NIN: variants seen among roughly 807,000 people sequenced by gnomAD.
The protein encoded by NIN is ninein, also known as glycogen synthase kinase 3 beta-interacting protein.
NIN carries 137 observed loss-of-function variants against 257.6 expected under a neutral mutation model. The ratio of observed to expected loss-of-function variants is 0.53; its 90% CI spans 0.46 to 0.61. The LOEUF is 0.61. Among genes scored for constraint, NIN ranks in the 20% least tolerant of loss-of-function variants. The pLI, the probability that NIN is intolerant of heterozygous loss-of-function variation, is 0.00. For synonymous variants in NIN, 918 were observed against 919.8 expected (o/e 1.00, Z 0.04); for missense variants, 2,439 against 2,501.2 (o/e 0.98, Z 0.53).
rs560413498 is a variant in NIN at position 50,722,508 on chromosome 14, A to G, written c.*955T>C. ...GAGGTCACATGGTTTATACATTTCA[A>G]ATTCTTAGAGAGGCCCTACAGTAGT... On this transcript the variant is annotated 3_prime_UTR_variant, in exon 31 of 31. Coordinates refer to ENST00000530997, the MANE Select transcript of NIN (RefSeq NM_020921.4). The G allele has an allele frequency of 2.2e-4, 46 of 209,176 alleles. No individual in the cohort carries two copies. Among genetic ancestry groups the G allele is most frequent in the Non-Finnish European group, 4.0e-4 (41 of 102,526 alleles). The allele number at this position is 209,176 out of a possible 1,614,324, so 13.0% of individuals were successfully genotyped here.
At chr14:50,725,702 T>C (rs1273537870) in intron 30 of NIN, 3 of 586,458 alleles carry the variant, frequency 5.1e-6, no homozygotes, top group African/African-American at 3.7e-5. Context: ...ATGTAAATCA[T>C]GTTAGCAAAG....
In NIN at chr14:50,756,694, G is replaced by A; in HGVS notation, c.4336C>T (p.Gln1446Ter). Reference sequence around the variant, plus strand: ...AACTCTGCTATGGTGGCCTGATGCTGAAAATGTTTGTCTTGAAAGCCTAGG... The same window carrying A: ...AACTCTGCTATGGTGGCCTGATGCTAAAAATGTTTGTCTTGAAAGCCTAGG... ...TLLGFQDKHF[Q>*]HQATIAELEL... Residue 1446 changes from glutamine (Q) to a stop codon, truncating the protein, a stop_gained, in exon 18 of 31, where the codon CAG becomes TAG. Coordinates refer to ENST00000530997, the MANE Select transcript of NIN (RefSeq NM_020921.4). LOFTEE classifies it high-confidence loss of function. 1 of 1,551,718 alleles carries A rather than the reference G, an allele frequency of 6.4e-7. No individual in the cohort carries two copies. The highest frequency in any genetic ancestry group is 8.7e-7 in the Non-Finnish European group (1 of 1,147,008).
intron 16 of NIN, 81 bp from the exon 17 acceptor site, chr14:50,760,440 T>A: frequency 2.3e-6 from 1 of 428,024 alleles, no homozygotes; most frequent in Non-Finnish European, 3.1e-6. Flanking sequence ...GCAATTGCTT[T>A]TTTTTTTTTT....
chr14:50,748,175 A>G (rs1159971207), intron 21 of NIN, 70 bp from the exon 22 acceptor site: 5 of 945,026 alleles, frequency 5.3e-6, no homozygotes, highest in Non-Finnish European at 8.4e-6. Flanking sequence ...CCAGGTTCAT[A>G]AAAGGCCATA....
intron 17 of NIN, 95 bp downstream of exon 17, chr14:50,759,762 T>C: frequency 7.4e-7 from 1 of 1,348,554 alleles, no homozygotes; most frequent in East Asian, 2.3e-5. Flanking sequence ...GTGCTGGGAT[T>C]ACAGGCGTGA....
At chr14:50,776,178 C>A (rs1241291245) in intron 7 of NIN, among the ~76,000 whole-genome samples, 1 of 152,150 alleles carries the variant, frequency 6.6e-6, no homozygotes, top group Non-Finnish European at 1.5e-5. Context: ...TTATTTTCAG[C>A]TCGTTGAAAG....
At chr14:50,751,569 T>C (rs1414340637) in intron 21 of NIN, among the ~76,000 whole-genome samples, 3 of 152,142 alleles carry the variant, frequency 2.0e-5, no homozygotes, top group Non-Finnish European at 4.4e-5. Flanking sequence ...TTAATAATTT[T>C]ATTTTATTAT....
chr14:50,744,293 G>C lies in NIN; in HGVS notation c.5137C>G (p.Leu1713Val). 6.2e-7 allele frequency: 1 copy of C among 1,614,084 alleles called. No individual in the cohort carries two copies. The highest frequency in any genetic ancestry group is 8.5e-7 in the Non-Finnish European group (1 of 1,179,976). ...TCACTCAGAGCTTCCTTTTCTTTCAGCAGTTTTTCGTTGTAGCTTAGAACA... is the reference window on the plus strand; with the variant it reads ...TCACTCAGAGCTTCCTTTTCTTTCACCAGTTTTTCGTTGTAGCTTAGAACA... ...SSVLSYNEKL[L>V]KEKEALSEEL... Residue 1713 changes from leucine to valine, a missense_variant, in exon 23 of 31, where the codon CTG (leucine) becomes GTG (valine). Leu to Val is a conservative substitution (Grantham distance 32, BLOSUM62 1). Coordinates refer to ENST00000530997, the MANE Select transcript of NIN (RefSeq NM_020921.4).
At chr14:50,732,954 A>T (rs1414173696) in intron 28 of NIN, among the ~76,000 whole-genome samples, 1 of 151,976 alleles carries the variant, frequency 6.6e-6, no homozygotes. Flanking sequence ...GGAACTCCCA[A>T]CACTTTGGGA....
chr14:50,831,492 C>T (rs901844391), upstream of NIN, among the ~76,000 whole-genome samples: 1 of 152,140 alleles, frequency 6.6e-6, no homozygotes, highest in Non-Finnish European at 1.5e-5. Context: ...AGCGTCTTCG[C>T]GCAGAGGAAG....
chr14:50,809,469 G>A (rs1595913452), intron 3 of NIN, among the ~76,000 whole-genome samples: 2 of 152,094 alleles, frequency 1.3e-5, no homozygotes, highest in South Asian at 2.1e-4. Flanking sequence ...TGAATGAAAC[G>A]TAAGTCTCTC....
At chr14:50,739,553 G>GT in intron 25 of NIN, 66 bp from the exon 26 acceptor site, 1 of 1,504,294 alleles carries the variant, frequency 6.6e-7, no homozygotes. Context: ...TTTGAGACAG[G>GT]TGTCATGTTT....
intron 8 of NIN, 116 bp from the exon 9 acceptor site, chr14:50,772,584 G>T: frequency 1.1e-6 from 1 of 901,296 alleles, no homozygotes; most frequent in Non-Finnish European, 1.7e-6. Context: ...TACAGTGCCA[G>T]GAAAAAAGTC....
chr14:50,826,039 C>T (rs901688968), intron 2 of NIN, among the ~76,000 whole-genome samples: 5 of 152,046 alleles, frequency 3.3e-5, no homozygotes, highest in Middle Eastern at 3.2e-3. Context: ...TGGGCATTGC[C>T]CAGGAATTGG....
At chr14:50,748,230 AT>A in intron 21 of NIN, 125 bp from the exon 22 acceptor site, 3 of 589,626 alleles carry the variant, frequency 5.1e-6, no homozygotes, top group South Asian at 4.5e-5. Flanking sequence ...TTTTATGACC[AT>A]TTTTTATCGT....
intron 28 of NIN, among the ~76,000 whole-genome samples, chr14:50,733,828 T>C (rs948972978): frequency 1.3e-5 from 2 of 152,204 alleles, no homozygotes; most frequent in African/African-American, 4.8e-5. Context: ...TTTGAATGCA[T>C]TCATTATATT....
At chr14:50,764,421 C>T (rs1159479457) in intron 14 of NIN, among the ~76,000 whole-genome samples, 3 of 152,142 alleles carry the variant, frequency 2.0e-5, no homozygotes, top group African/African-American at 7.2e-5. Context: ...TAAAACAGTG[C>T]AACCACTTTG....
chr14:50,790,774 C>A (rs968935200), intron 5 of NIN, among the ~76,000 whole-genome samples: 1 of 152,180 alleles, frequency 6.6e-6, no homozygotes, highest in South Asian at 2.1e-4. Flanking sequence ...TTTACTGAGA[C>A]ATAAGCCACA....
At chr14:50,773,399 T>C (rs374654665) in intron 7 of NIN, among the ~76,000 whole-genome samples, 5 of 152,250 alleles carry the variant, frequency 3.3e-5, no homozygotes, top group African/African-American at 1.2e-4. Flanking sequence ...CACATTATTC[T>C]TACAAATTTT....
Sources: allele counts gnomAD v4.1 joint callset (sites outside exome capture counted in the v4.1 genomes callset), GRCh38; gene constraint gnomAD v4.1.1; transcripts MANE v1.5; gene names NCBI Gene and HGNC (gene_info 2026-07-23, HGNC 2026-07-21).